The following ABCB11 variants were observed in gnomAD, a reference collection of about 807,000 sequenced individuals.
ABCB11 encodes the protein bile salt export pump.
ABCB11 carries 95 observed loss-of-function variants against 148.0 expected under a neutral mutation model. The observed-to-expected ratio is 0.64, with a 90% confidence interval of 0.54 to 0.76. The LOEUF is 0.76. Among genes scored for constraint, ABCB11 ranks in the 30% least tolerant of loss-of-function variants. The probability of loss-of-function intolerance (pLI) is 0.00; values close to 1 mark genes in which losing one functional copy is unlikely to be tolerated. For synonymous variants in ABCB11, 591 were observed against 555.4 expected, an observed-to-expected ratio of 1.06 and a Z score of -0.90; for missense variants, 1,523 against 1,617.8, an observed-to-expected ratio of 0.94 and a Z score of 1.01.
chr2:168,995,975 T>TAACA (rs1694700496), intron 6 of ABCB11, among the ~76,000 whole-genome samples: 1 of 63,030 alleles, frequency 1.6e-5, no homozygotes, highest in African/African-American at 6.4e-5. Context: ...TTTCCCTAAC[T>TAACA]AAAAAAAAAA....
chr2:169,018,263 A>T lies in ABCB11; in HGVS notation c.-27-111T>A, dbSNP rs1223638104. ...TTCAAGAAATAATCTTTACTAATCA[A>T]TCTCAGACAAAAGTTTTAAAATCGG... On this transcript the variant is annotated intron_variant, in intron 1 of 27. Coordinates refer to ENST00000650372, the MANE Select transcript of ABCB11 (RefSeq NM_003742.4). The T allele has an allele frequency of 3.2e-6, 3 of 949,766 alleles. No homozygotes were observed. In the East Asian group the frequency reaches 7.9e-5, roughly 25 times the overall value. The allele number at this position is 949,766 out of a possible 1,614,324, so 58.8% of individuals were successfully genotyped here.
chr2:168,933,984 C>A (rs1691703171), intron 23 of ABCB11, among the ~76,000 whole-genome samples: 1 of 152,098 alleles, frequency 6.6e-6, no homozygotes, highest in South Asian at 2.1e-4. Context: ...AACTCCTGAC[C>A]TCAAGTGATC....
At chr2:168,970,298 A>T (rs1472160562) in intron 14 of ABCB11, 83 bp from the exon 15 acceptor site, 2 of 1,552,238 alleles carry the variant, frequency 1.3e-6, no homozygotes, top group Admixed American at 3.9e-5. Flanking sequence ...CCTTTCTGTC[A>T]TAGTTTTCTT....
chr2:168,974,232 T>C lies in ABCB11; in HGVS notation c.1309-392A>G, dbSNP rs575173524. 1.1e-4 allele frequency among the ~76,000 whole-genome samples: 16 copies of C among 152,064 alleles called. No individual in the cohort carries two copies. The South Asian group carries it at 3.1e-3, about 30-fold the overall frequency. On this transcript the variant is annotated intron_variant, in intron 12 of 27. Transcript: ENST00000650372. ...AAAAAAATCCATTAAGTTAGAAATA[T>C]AGTACTAATTTACTGATCATGGATT...
At chr2:168,946,718 T>C (rs191507433) in intron 19 of ABCB11, among the ~76,000 whole-genome samples, 2 of 151,918 alleles carry the variant, frequency 1.3e-5, no homozygotes, top group East Asian at 1.9e-4. Context: ...TTAACTCTTA[T>C]AGATGGAAAA....
chr2:168,989,217 C>T (rs1694431821), intron 9 of ABCB11, among the ~76,000 whole-genome samples: 1 of 152,042 alleles, frequency 6.6e-6, no homozygotes, highest in Admixed American at 6.6e-5. Context: ...TGTCATAGAG[C>T]TTCTTCCCTA....
In ABCB11 at chr2:169,029,072, G is replaced by GC. The variant is rs1236094579; in HGVS notation, c.-28+2152dup. Among the ~76,000 whole-genome samples, 6 of 152,028 alleles carry GC rather than the reference G, an allele frequency of 3.9e-5. 1 individual carries two copies. Among genetic ancestry groups the GC allele is most frequent in the Admixed American group, 2.0e-4 (3 of 15,264 alleles). On this transcript the variant is annotated intron_variant, in intron 1 of 27. Transcript: ENST00000650372. ...AGTGGAGAGCACCCGCCCCCACCAT[G>GC]CCCCACATCACACTGTGAATATTCT... is the stretch of plus-strand genomic sequence containing the variant.
At chr2:168,996,523 C>T (rs1694719153) in intron 6 of ABCB11, 112 bp downstream of exon 6, 1 of 511,624 alleles carries the variant, frequency 2.0e-6, no homozygotes, top group Non-Finnish European at 3.3e-6. Flanking sequence ...TGGAAACAGA[C>T]TGTAGTTCTT....
chr2:168,920,349 G>A (rs1691037357), downstream of ABCB11, among the ~76,000 whole-genome samples: 1 of 150,068 alleles, frequency 6.7e-6, no homozygotes, highest in African/African-American at 2.5e-5. Context: ...TGTAGGAAAT[G>A]ATCTTAGACT....
Position 168,944,479 on chromosome 2 carries a change from G to A in ABCB11, c.2610+126C>T. 4 of 1,021,694 alleles carry A rather than the reference G, an allele frequency of 3.9e-6. No homozygotes were observed. The Middle Eastern group carries it at 6.8e-4, about 174-fold the overall frequency. 63.3% of individuals were successfully genotyped at this position (1,021,694 alleles called of 1,614,324 possible). ...CAGTGTTAGAAGCAGTGGAAAATGTGGCTTTAGGATATCCCAATCCCACTG... is the reference window on the plus strand; with the variant it reads ...CAGTGTTAGAAGCAGTGGAAAATGTAGCTTTAGGATATCCCAATCCCACTG... On this transcript the variant is annotated intron_variant, in intron 21 of 27. Coordinates refer to ENST00000650372, the MANE Select transcript of ABCB11 (RefSeq NM_003742.4).
chr2:169,002,044 A>T (rs1694890338), intron 5 of ABCB11, among the ~76,000 whole-genome samples: 1 of 152,238 alleles, frequency 6.6e-6, no homozygotes, highest in Non-Finnish European at 1.5e-5. Flanking sequence ...ATCCAAAGAT[A>T]CAAACAGGTT....
At position 168,922,082 on chromosome 2, in the gene ABCB11, C is replaced by A. The variant is rs938130690; in HGVS notation, c.*1540G>T. ...GCCAGGATGGTCTCAATCTCTCGAC[C>A]TCATGATCCGCCCGCCTTGGCCTCC... is the stretch of plus-strand genomic sequence containing the variant. On this transcript the variant is annotated 3_prime_UTR_variant, in exon 28 of 28. Coordinates refer to ENST00000650372, the MANE Select transcript of ABCB11 (RefSeq NM_003742.4). Among the ~76,000 whole-genome samples the A allele has an allele frequency of 3.9e-5, 6 of 152,088 alleles. No homozygotes were observed. The highest frequency in any genetic ancestry group is 8.8e-5 in the Non-Finnish European group (6 of 68,008).
At chr2:169,007,959 A>T (rs553142394) in intron 5 of ABCB11, among the ~76,000 whole-genome samples, 1 of 152,318 alleles carries the variant, frequency 6.6e-6, no homozygotes, top group East Asian at 1.9e-4. Flanking sequence ...CCCAGTTTTA[A>T]AAAGGGCTGA....
chr2:168,923,941 G>T, intron 27 of ABCB11, 119 bp from the exon 28 acceptor site: 1 of 890,196 alleles, frequency 1.1e-6, no homozygotes, highest in Non-Finnish European at 1.8e-6. Flanking sequence ...CAAACCCAAA[G>T]GCTCAACATA....
chr2:168,928,946 GT>G (rs1691442555), intron 25 of ABCB11, among the ~76,000 whole-genome samples: 1 of 152,062 alleles, frequency 6.6e-6, no homozygotes, highest in Admixed American at 6.6e-5. Context: ...GTCAATTTCT[GT>G]TTGCTTGTTT....
intron 1 of ABCB11, among the ~76,000 whole-genome samples, chr2:169,028,254 C>A (rs1168549812): frequency 6.6e-6 from 1 of 151,020 alleles, no homozygotes; most frequent in African/African-American, 2.4e-5. Flanking sequence ...CAGCCCTACC[C>A]TCATGGAACT....
In ABCB11 at chr2:168,947,609, T is replaced by C. The variant is rs998030425; in HGVS notation, c.2344-2648A>G. 2.6e-5 allele frequency among the ~76,000 whole-genome samples: 4 copies of C among 151,758 alleles called. No individual in the cohort carries two copies. The East Asian group carries it at 7.8e-4, about 29-fold the overall frequency. On this transcript the variant is annotated intron_variant, in intron 19 of 27. Coordinates refer to ENST00000650372, the MANE Select transcript of ABCB11 (RefSeq NM_003742.4). ...AGAAGGAAAATAGAGCAACTATAAA[T>C]AGACTCACAATTATACCCTGTGAGA...
At chr2:168,927,058 G>A (rs1691346594) in intron 26 of ABCB11, 98 bp downstream of exon 26, 3 of 1,201,686 alleles carry the variant, frequency 2.5e-6, no homozygotes, top group Non-Finnish European at 3.5e-6. Flanking sequence ...TTTGGATTTG[G>A]GATTTTCAGA....
rs1221898201 is a variant in ABCB11 at position 168,921,428 on chromosome 2, G to T, written c.*2194C>A. On this transcript the variant is annotated 3_prime_UTR_variant, in exon 28 of 28. Coordinates refer to ENST00000650372, the MANE Select transcript of ABCB11 (RefSeq NM_003742.4). ...AGAAAACATGATGGCAGGATAGGTT[G>T]GTGGGAACCGTGGGTGCAGTCCTGC... Among the ~76,000 whole-genome samples, 5 of 152,152 alleles carry T rather than the reference G, an allele frequency of 3.3e-5. No homozygotes were observed. Among genetic ancestry groups the T allele is most frequent in the Admixed American group, 3.3e-4 (5 of 15,280 alleles).
Sources: gnomAD v4.1 joint callset for allele counts (sites outside exome capture counted in the v4.1 genomes callset) on GRCh38, gnomAD v4.1.1 for gene constraint, MANE v1.5 for transcripts, NCBI Gene and HGNC (gene_info 2026-07-23, HGNC 2026-07-21) for gene names.